MICU1: variants seen among roughly 807,000 people sequenced by gnomAD.
MICU1 encodes mitochondrial calcium uptake 1, also known as calcium uptake protein 1, mitochondrial.
A neutral mutation model predicts 56.8 loss-of-function variants in MICU1; 45 were observed. The ratio of observed to expected loss-of-function variants is 0.79; its 90% CI spans 0.62 to 1.02. The LOEUF (loss-of-function observed/expected upper bound fraction) is 1.02, where lower values mean the gene tolerates loss of function less well. MICU1 is among the 50% of genes least tolerant of loss of function. The pLI is 0.00. For synonymous variants in MICU1, 186 were observed against 195.1 expected (o/e 0.95, Z 0.39); for missense variants, 504 against 587.1 (o/e 0.86, Z 1.46).
intron 8 of MICU1, among the ~76,000 whole-genome samples, chr10:72,469,889 G>A (rs1865899427): frequency 6.6e-6 from 1 of 151,976 alleles, no homozygotes; most frequent in Non-Finnish European, 1.5e-5. Context: ...TTATCTCTTG[G>A]GTCTTTTTGT....
At chr10:72,512,722 C>CAG (rs1867516821) in intron 5 of MICU1, among the ~76,000 whole-genome samples, 1 of 150,938 alleles carries the variant, frequency 6.6e-6, no homozygotes, top group Non-Finnish European at 1.5e-5. Context: ...TGTTTTGAGA[C>CAG]AGTGTCTCAC....
intron 4 of MICU1, among the ~76,000 whole-genome samples, chr10:72,543,770 A>G (rs771084303): frequency 9.2e-5 from 14 of 152,032 alleles, no homozygotes; most frequent in Non-Finnish European, 1.9e-4. Context: ...GAATGGCATG[A>G]ACCCGGGAGG....
At chr10:72,483,674 C>A in intron 6 of MICU1, 1 of 156,608 alleles carries the variant, frequency 6.4e-6, no homozygotes, top group South Asian at 1.8e-4. Context: ...GTCATGCGCT[C>A]GCCCAGAGGA....
At chr10:72,486,010 T>C (rs1866463184) in intron 6 of MICU1, among the ~76,000 whole-genome samples, 1 of 147,058 alleles carries the variant, frequency 6.8e-6, no homozygotes, top group African/African-American at 2.5e-5. Flanking sequence ...GCAAAAGACC[T>C]AAAAAAAAAG....
At chr10:72,462,191 G>T (rs1865658013) in intron 8 of MICU1, among the ~76,000 whole-genome samples, 1 of 151,604 alleles carries the variant, frequency 6.6e-6, no homozygotes, top group African/African-American at 2.4e-5. Flanking sequence ...TGGGTTTATT[G>T]GGGTATTAAA....
rs1406206459 is a variant in MICU1 at position 72,369,302 on chromosome 10, G to C, written c.1271-947C>G. Among the ~76,000 whole-genome samples, 3 of 142,140 alleles carry C rather than the reference G, an allele frequency of 2.1e-5. No individual in the cohort carries two copies. In the Admixed American group the frequency reaches 2.1e-4, roughly 10 times the overall value. The allele number at this position is 142,140 out of a possible 152,430, so 93.2% of individuals were successfully genotyped here. A position where few individuals can be genotyped will look rare whatever the true frequency, so the allele number is the denominator to read the frequency against. The stretch of plus-strand genomic sequence containing the variant: ...GTGACACAGTGAGACCATGTCTCTT[G>C]GAAAAAAAAAAAAAAAAAAGAGGTG... On this transcript the variant is annotated intron_variant, in intron 11 of 11. Transcript: ENST00000361114.
intron 10 of MICU1, among the ~76,000 whole-genome samples, chr10:72,384,951 T>C (rs917440777): frequency 1.3e-5 from 2 of 152,200 alleles, no homozygotes; most frequent in Admixed American, 1.3e-4. Context: ...CTTCCTTACA[T>C]GTCTTTGTGA....
intron 10 of MICU1, among the ~76,000 whole-genome samples, chr10:72,396,749 G>T (rs191950215): frequency 6.6e-6 from 1 of 152,124 alleles, no homozygotes; most frequent in Non-Finnish European, 1.5e-5. Context: ...AGAGTTAAAA[G>T]AAATGAACAA....
In MICU1 at chr10:72,518,611, T is replaced by C. The variant is rs182830536; in HGVS notation, c.538-10342A>G. ...GGGTCTATGAGAAATTTGTTTCATC[T>C]TCAAGTTCCTGAGGTAAGACTCTAC... is the stretch of plus-strand genomic sequence containing the variant. On this transcript the variant is annotated intron_variant, in intron 5 of 11. Coordinates refer to ENST00000361114, the MANE Select transcript of MICU1 (RefSeq NM_001195518.2). Among the ~76,000 whole-genome samples the C allele has an allele frequency of 5.9e-5, 9 of 152,328 alleles. No homozygotes were observed. In the East Asian group the frequency reaches 1.5e-3, roughly 26 times the overall value.
chr10:72,593,510 G>A (rs895692229), intron 1 of MICU1, among the ~76,000 whole-genome samples: 7 of 133,170 alleles, frequency 5.3e-5, no homozygotes, highest in African/African-American at 8.7e-5. Flanking sequence ...GGCGACAGTC[G>A]GACTCTGTCT....
At chr10:72,569,237 A>ATATATATTTTTTTTTTTTTTT in intron 1 of MICU1, among the ~76,000 whole-genome samples, 3 of 34,392 alleles carry the variant, frequency 8.7e-5, no homozygotes, top group African/African-American at 2.3e-4. Context: ...ATATATATAT[A>ATATATATTTTTTTTTTTTTTT]TTTTTTTTTT....
intron 1 of MICU1, among the ~76,000 whole-genome samples, chr10:72,596,643 G>A (rs888744196): frequency 2.6e-5 from 4 of 152,128 alleles, no homozygotes; most frequent in African/African-American, 7.2e-5. Flanking sequence ...AGGCCGAGGT[G>A]GGTGGACCAA....
At chr10:72,500,292 ATATATATATATTTTTTT>A (rs1867012804) in intron 6 of MICU1, among the ~76,000 whole-genome samples, 1 of 7,276 alleles carries the variant, frequency 1.4e-4, no homozygotes, top group African/African-American at 2.4e-4. Context: ...ATATATATAT[ATATATATATATTTTTTT>A]TTTTTTTTTT....
intron 8 of MICU1, among the ~76,000 whole-genome samples, chr10:72,427,733 A>AATATATATATAT (rs58696519): frequency 2.3e-4 from 31 of 136,328 alleles, no homozygotes; most frequent in East Asian, 1.6e-3. Context: ...CCATCTCTAA[A>AATATATATATAT]ATATATATAT....
chr10:72,470,132 G>A (rs1334703224), intron 8 of MICU1, among the ~76,000 whole-genome samples: 3 of 152,162 alleles, frequency 2.0e-5, no homozygotes, highest in Non-Finnish European at 2.9e-5. Flanking sequence ...TACAAATGAG[G>A]AGCCAGGCTC....
chr10:72,614,067 C>A (rs901110104), intron 1 of MICU1, among the ~76,000 whole-genome samples: 3 of 152,244 alleles, frequency 2.0e-5, no homozygotes, highest in African/African-American at 2.4e-5. Context: ...TTGCTTGAAC[C>A]AGGAGGCAGA....
chr10:72,582,043 C>T (rs1373308284), intron 1 of MICU1, among the ~76,000 whole-genome samples: 3 of 152,192 alleles, frequency 2.0e-5, no homozygotes, highest in Non-Finnish European at 4.4e-5. Context: ...GATTCTCCTG[C>T]CTCAGCCTCC....
intron 1 of MICU1, among the ~76,000 whole-genome samples, chr10:72,576,899 A>C (rs562062294): frequency 6.6e-6 from 1 of 152,322 alleles, no homozygotes; most frequent in East Asian, 1.9e-4. Context: ...TATATCTCAC[A>C]ATTTGCAATT....
rs1175471985 is a variant in MICU1 at position 72,436,642 on chromosome 10, C to T, written c.934-13271G>A. Among the ~76,000 whole-genome samples, 5 of 152,116 alleles carry T rather than the reference C, an allele frequency of 3.3e-5. No individual in the cohort carries two copies. In the East Asian group the frequency reaches 5.8e-4, roughly 18 times the overall value. On this transcript the variant is annotated intron_variant, in intron 8 of 11. Coordinates refer to ENST00000361114, the MANE Select transcript of MICU1 (RefSeq NM_001195518.2). ...GATAAAGGAGCATGTTCGAACCCAT[C>T]GCAATGAAGCTAAAAACCTTGAAAA...
Sources: gnomAD v4.1 joint callset for allele counts (sites outside exome capture counted in the v4.1 genomes callset) on GRCh38, gnomAD v4.1.1 for gene constraint, MANE v1.5 for transcripts, NCBI Gene and HGNC (gene_info 2026-07-23, HGNC 2026-07-21) for gene names.